The following TMA7 variants were observed in gnomAD, a reference collection of about 807,000 sequenced individuals.
TMA7 encodes the protein translation machinery associated 7 homolog, also known as translation machinery-associated protein 7.
TMA7 carries 5 observed loss-of-function variants against 12.5 expected under a neutral mutation model. The observed-to-expected ratio is 0.40, with a 90% CI of 0.21 to 0.84. The LOEUF is 0.84. TMA7 is among the 40% of genes least tolerant of loss of function. TMA7 has a pLI of 0.36. For missense variants in TMA7, 71 were observed against 75.4 expected (o/e 0.94, Z 0.22); for synonymous variants, 36 against 28.1 (o/e 1.28, Z -0.89).
At chr3:48,441,616 T>G (rs138369283) in intron 3 of TMA7, among the ~76,000 whole-genome samples, 1 of 152,340 alleles carries the variant, frequency 6.6e-6, no homozygotes, top group Non-Finnish European at 1.5e-5. Context: ...TTGCTCCATA[T>G]GCTTTTCTAA....
At chr3:48,443,788 G>A (rs755161948) in intron 3 of TMA7, 60 bp from the exon 4 acceptor site, 47 of 1,438,460 alleles carry the variant, frequency 3.3e-5, no homozygotes, top group African/African-American at 5.9e-5. Flanking sequence ...CAGCAGGCCC[G>A]TGGGGCTTCT....
chr3:48,440,289 C>T lies in TMA7; in HGVS notation c.-8C>T, dbSNP rs754977247. The stretch of plus-strand genomic sequence containing the variant: ...GTGGCAGGGTCTGGGGAAGCGGCGG[C>T]AGGCGCCATGTCCGGCCGCGAAGGT... On this transcript the variant is annotated 5_prime_UTR_variant, in exon 1 of 4. Coordinates refer to ENST00000438607, the MANE Select transcript of TMA7 (RefSeq NM_015933.6). 23 of 1,602,726 alleles carry T rather than the reference C, an allele frequency of 1.4e-5. 1 individual carries two copies. The South Asian group carries it at 2.0e-4, about 14-fold the overall frequency.
chr3:48,443,085 C>A (rs2039604043), intron 3 of TMA7, among the ~76,000 whole-genome samples: 1 of 151,280 alleles, frequency 6.6e-6, no homozygotes, highest in African/African-American at 2.4e-5. Context: ...ACTAAAAATA[C>A]AAAAATTAGC....
At chr3:48,443,276 G>A (rs1453544918) in intron 3 of TMA7, among the ~76,000 whole-genome samples, 2 of 149,818 alleles carry the variant, frequency 1.3e-5, no homozygotes, top group South Asian at 2.1e-4. Context: ...TGCTGGGGTC[G>A]GTGGCTCACA....
rs1405880475 is a variant in TMA7 at position 48,440,535 on chromosome 3, C to T, written c.73-6C>T. ...CCTGAGTTGAACACGCTCTGCCTCT[C>T]CCCAGGAAGATAAGGCTTTCAAGCA... On this transcript the variant is annotated splice_region_variant and splice_polypyrimidine_tract_variant and intron_variant, in intron 2 of 3. Coordinates refer to ENST00000438607, the MANE Select transcript of TMA7 (RefSeq NM_015933.6). The T allele has an allele frequency of 3.7e-6, 6 of 1,610,430 alleles. No individual in the cohort carries two copies. The highest frequency in any genetic ancestry group is 5.1e-6 in the Non-Finnish European group (6 of 1,179,134).
chr3:48,442,385 T>C (rs924976127), intron 3 of TMA7, among the ~76,000 whole-genome samples: 26 of 152,104 alleles, frequency 1.7e-4, no homozygotes, highest in African/African-American at 6.0e-4. Context: ...CTGATTTTTA[T>C]TTTAAGGTTT....
At chr3:48,440,678 T>C in intron 3 of TMA7, 50 bp downstream of exon 3, 1 of 1,540,374 alleles carries the variant, frequency 6.5e-7, no homozygotes, top group Non-Finnish European at 8.9e-7. Context: ...TATGAGCACC[T>C]ATTGGGATGA....
At chr3:48,441,870 C>T (rs1309502545) in intron 3 of TMA7, among the ~76,000 whole-genome samples, 7 of 152,190 alleles carry the variant, frequency 4.6e-5, no homozygotes, top group Non-Finnish European at 7.3e-5. Flanking sequence ...ACCTCTCTCC[C>T]AGTGGGTTTG....
At position 48,443,097 on chromosome 3, in the gene TMA7, G is replaced by A. The variant is rs760259277; in HGVS notation, c.161-751G>A. Among the ~76,000 whole-genome samples the A allele has an allele frequency of 6.6e-5, 10 of 151,658 alleles. No individual in the cohort carries two copies. In the East Asian group the frequency reaches 1.4e-3, roughly 21 times the overall value. ...TCTACTAAAAATACAAAAATTAGCC[G>A]GGTATGGTGGCATGCGCCTTTAGTC... On this transcript the variant is annotated intron_variant, in intron 3 of 3. Transcript: ENST00000438607.
At chr3:48,443,476 G>A (rs1391759005) in intron 3 of TMA7, among the ~76,000 whole-genome samples, 4 of 151,692 alleles carry the variant, frequency 2.6e-5, no homozygotes, top group African/African-American at 9.7e-5. Flanking sequence ...AGAGGTTGCA[G>A]TGAGCTGAGA....
At position 48,440,321 on chromosome 3, in the gene TMA7, T is replaced by C. The variant is rs1436874476; in HGVS notation, c.16+9T>C. On this transcript the variant is annotated intron_variant, in intron 1 of 3. Transcript: ENST00000438607. ...CATGTCCGGCCGCGAAGGTAAGTGT[T>C]CCGGAACCGTGAGGACTGCGGGGAC... 1.2e-6 allele frequency: 2 copies of C among 1,611,378 alleles called. No homozygotes were observed. The highest frequency in any genetic ancestry group is 1.7e-6 in the Non-Finnish European group (2 of 1,179,466).
intron 3 of TMA7, among the ~76,000 whole-genome samples, chr3:48,441,988 C>T (rs2039579837): frequency 6.6e-6 from 1 of 151,858 alleles, no homozygotes; most frequent in African/African-American, 2.4e-5. Context: ...AATCCAAGTG[C>T]TTTGGGAGGC....
At position 48,440,703 on chromosome 3, in the gene TMA7, CTT is replaced by C. The variant is rs987141938; in HGVS notation, c.160+79_160+80del. 9.8e-6 allele frequency: 13 copies of C among 1,333,152 alleles called. No individual in the cohort carries two copies. In the African/African-American group the frequency reaches 1.9e-4, roughly 19 times the overall value. 82.6% of individuals were successfully genotyped at this position (1,333,152 alleles called of 1,614,324 possible). A position where few individuals can be genotyped will look rare whatever the true frequency, so the allele number is the denominator to read the frequency against. The stretch of plus-strand genomic sequence containing the variant: ...TATTGGGATGAGGGCGCGGGCATGT[CTT>C]TTTCCTGCCTCCTGAACTGCGAGGT... On this transcript the variant is annotated intron_variant, in intron 3 of 3. Coordinates refer to ENST00000438607, the MANE Select transcript of TMA7 (RefSeq NM_015933.6).
Position 48,442,099 on chromosome 3 carries a change from GC to G in TMA7, c.160+1474del, listed in dbSNP as rs2039583959. Among the ~76,000 whole-genome samples the G allele has an allele frequency of 3.3e-5, 5 of 152,178 alleles. No individual in the cohort carries two copies. In the South Asian group the frequency reaches 1.0e-3, roughly 32 times the overall value. On this transcript the variant is annotated intron_variant, in intron 3 of 3. Coordinates refer to ENST00000438607, the MANE Select transcript of TMA7 (RefSeq NM_015933.6). ...TTAGCTGGGCGTGGTGGTGGTGGCG[GC>G]CCGTTTCCTGTAATCCCAGCTATTT... is the stretch of plus-strand genomic sequence containing the variant.
intron 3 of TMA7, chr3:48,440,862 G>C: frequency 1.7e-6 from 1 of 586,166 alleles, no homozygotes; most frequent in Non-Finnish European, 3.0e-6. Context: ...CTTAGGAAGA[G>C]CTGCAGAAAC....
Position 48,440,450 on chromosome 3 carries a change from A to C in TMA7, c.64A>C (p.Met22Leu), listed in dbSNP as rs773359470. Residue 22 changes from methionine to leucine, a missense_variant, in exon 2 of 4, where the codon ATG becomes CTG. By Grantham distance (15) the Met-to-Leu change is conservative (BLOSUM62 2). Transcript: ENST00000438607. ...ACAGCCCAAGAAGCAGGCCAAGGAG[A>C]TGGACGAGGTGAGGGCGGGCGCGGA... ...LKQPKKQAKE[M>L]DEEDKAFKQK... is the part of the protein sequence containing the mutation. 1.1e-5 allele frequency: 17 copies of C among 1,612,348 alleles called. No individual in the cohort carries two copies. The South Asian group carries it at 1.9e-4, about 18-fold the overall frequency.
chr3:48,440,480 C>G, intron 2 of TMA7, 22 bp downstream of exon 2: 3 of 1,607,930 alleles, frequency 1.9e-6, no homozygotes, highest in Non-Finnish European at 2.5e-6. Flanking sequence ...CGCGGAGGCA[C>G]TGGCGGGTGC....
intron 3 of TMA7, among the ~76,000 whole-genome samples, chr3:48,443,241 CAAAAAAAAAAAAA>C (rs3082576): frequency 5.7e-5 from 4 of 70,534 alleles, no homozygotes; most frequent in East Asian, 3.9e-4. Flanking sequence ...ACTCCATCTC[CAAAAAAAAAAAAA>C]AAAAAAAAAA....
chr3:48,442,685 C>T (rs544568339), intron 3 of TMA7, among the ~76,000 whole-genome samples: 3 of 151,802 alleles, frequency 2.0e-5, no homozygotes, highest in Non-Finnish European at 4.4e-5. Flanking sequence ...CTCCTGACCT[C>T]GTGATCCACC....
Sources: gnomAD v4.1 joint callset for allele counts (sites outside exome capture counted in the v4.1 genomes callset) on GRCh38, gnomAD v4.1.1 for gene constraint, MANE v1.5 for transcripts, NCBI Gene and HGNC (gene_info 2026-07-23, HGNC 2026-07-21) for gene names.